The following WARS2 variants were observed in gnomAD, a reference collection of about 807,000 sequenced individuals.
WARS2 encodes the protein tryptophanyl tRNA synthetase 2, mitochondrial, also known as tryptophan--tRNA ligase, mitochondrial.
In WARS2, 28 loss-of-function variants were observed where a neutral mutation model predicts 36.5. The ratio of observed to expected loss-of-function variants is 0.77; its 90% confidence interval spans 0.57 to 1.05. The LOEUF (loss-of-function observed/expected upper bound fraction) is 1.05, where lower values mean the gene tolerates loss of function less well. Ranked by LOEUF, WARS2 falls within the 50% of genes least tolerant of loss-of-function variation. WARS2 has a pLI of 0.00. For missense variants in WARS2, 435 were observed against 456.8 expected, an observed-to-expected ratio of 0.95 and a Z score of 0.44; for synonymous variants, 174 against 178.4, an observed-to-expected ratio of 0.98 and a Z score of 0.20.
At chr1:119,103,816 A>T (rs928156563) in intron 1 of WARS2, among the ~76,000 whole-genome samples, 1 of 151,888 alleles carries the variant, frequency 6.6e-6, no homozygotes, top group Non-Finnish European at 1.5e-5. Context: ...ATGTTAGGGC[A>T]CATTTTTAAA....
chr1:119,123,654 A>C (rs1003399780), intron 1 of WARS2, among the ~76,000 whole-genome samples: 2 of 152,074 alleles, frequency 1.3e-5, no homozygotes, highest in Non-Finnish European at 2.9e-5. Flanking sequence ...CATTTTCCTA[A>C]CTTGGCTTCC....
Position 119,077,753 on chromosome 1 carries a change from GA to G in WARS2, c.91-1147del, listed in dbSNP as rs971570397. 9.9e-3 allele frequency among the ~76,000 whole-genome samples: 1,491 copies of G among 150,984 alleles called. 22 individuals carry two copies. Among genetic ancestry groups the G allele is most frequent in the African/African-American group, 0.034 (1,387 of 41,196 alleles). ...TGAAGTCATAATAGGAAAATGAAAA[GA>G]AAAAAAATGCAATACAAAGTAAAAA... On this transcript the variant is annotated intron_variant, in intron 1 of 5. Coordinates refer to ENST00000235521, the MANE Select transcript of WARS2 (RefSeq NM_015836.4).
chr1:119,117,387 A>G (rs1366760083), intron 1 of WARS2, among the ~76,000 whole-genome samples: 1 of 152,240 alleles, frequency 6.6e-6, no homozygotes, highest in African/African-American at 2.4e-5. Context: ...TGGGAGCTCC[A>G]TGGCCCTGCC....
chr1:119,040,012 A>G (rs1409492912), intron 4 of WARS2, among the ~76,000 whole-genome samples: 2 of 152,248 alleles, frequency 1.3e-5, no homozygotes, highest in Non-Finnish European at 2.9e-5. Flanking sequence ...AAAAACAAAT[A>G]AAAATACCTT....
At chr1:119,125,751 A>T (rs982964041) in intron 1 of WARS2, among the ~76,000 whole-genome samples, 5 of 152,286 alleles carry the variant, frequency 3.3e-5, no homozygotes, top group Admixed American at 1.3e-4. Flanking sequence ...TACTCTTCTA[A>T]ACTGATTAAA....
chr1:119,044,595 T>A (rs1228346828), intron 3 of WARS2, among the ~76,000 whole-genome samples: 8 of 152,216 alleles, frequency 5.3e-5, no homozygotes, highest in African/African-American at 1.7e-4. Context: ...GAAATTTATG[T>A]CTCATAGTTC....
chr1:119,085,459 T>G, intron 1 of WARS2: 1 of 1,524,288 alleles, frequency 6.6e-7, no homozygotes, highest in South Asian at 1.2e-5. Context: ...TCTTTTTCTT[T>G]TTTTCCTTTT....
At chr1:119,038,774 G>A (rs1019869697) in intron 4 of WARS2, among the ~76,000 whole-genome samples, 5 of 152,060 alleles carry the variant, frequency 3.3e-5, no homozygotes, top group African/African-American at 9.7e-5. Flanking sequence ...TCCTCCTCCC[G>A]GATTCAGGCA....
At chr1:119,086,094 A>C (rs1652640181) in intron 1 of WARS2, 1 of 912,172 alleles carries the variant, frequency 1.1e-6, no homozygotes, top group Non-Finnish European at 1.6e-6. Context: ...TCCTAGCCTT[A>C]AGTGATCCTC....
intron 1 of WARS2, among the ~76,000 whole-genome samples, chr1:119,081,160 G>A (rs1391731658): frequency 1.3e-5 from 2 of 152,196 alleles, no homozygotes; most frequent in African/African-American, 4.8e-5. Context: ...CATTTTGACA[G>A]ACATAGCTGA....
intron 2 of WARS2, among the ~76,000 whole-genome samples, chr1:119,066,456 T>C (rs536338096): frequency 2.5e-4 from 30 of 121,230 alleles, no homozygotes; most frequent in Non-Finnish European, 3.2e-4. Context: ...CCAGCATGGG[T>C]GACAGAGAGA....
intron 1 of WARS2, chr1:119,085,521 A>G: frequency 3.1e-6 from 5 of 1,597,846 alleles, no homozygotes; most frequent in Non-Finnish European, 4.3e-6. Flanking sequence ...GCTCTCAGAC[A>G]AACTTGGTGA....
chr1:119,081,420 C>T (rs1357157773), intron 1 of WARS2, among the ~76,000 whole-genome samples: 2 of 152,212 alleles, frequency 1.3e-5, no homozygotes. Context: ...GATTTCAAGA[C>T]TCTTCTTACA....
intron 1 of WARS2, among the ~76,000 whole-genome samples, chr1:119,078,116 G>A (rs587654835): frequency 1.3e-5 from 2 of 152,302 alleles, no homozygotes; most frequent in African/African-American, 2.4e-5. Context: ...CTAGTAAGTG[G>A]TGGAGTTGAG....
chr1:119,066,433 A>C (rs765255106), intron 2 of WARS2, among the ~76,000 whole-genome samples: 3 of 147,804 alleles, frequency 2.0e-5, no homozygotes, highest in African/African-American at 5.0e-5. Context: ...AGCTGAGATC[A>C]TGCCATTGCA....
At chr1:119,110,312 G>A (rs1382609395) in intron 1 of WARS2, among the ~76,000 whole-genome samples, 1 of 151,808 alleles carries the variant, frequency 6.6e-6, no homozygotes, top group Non-Finnish European at 1.5e-5. Context: ...TTCTTGCAAG[G>A]CAGGTGTCCT....
chr1:119,110,649 T>C (rs1654561622), intron 1 of WARS2, among the ~76,000 whole-genome samples: 2 of 152,178 alleles, frequency 1.3e-5, no homozygotes, highest in African/African-American at 4.8e-5. Context: ...TCTTGCTTGG[T>C]GGTCTCTGAG....
intron 1 of WARS2, among the ~76,000 whole-genome samples, chr1:119,132,929 C>T (rs1656223733): frequency 6.6e-6 from 1 of 152,178 alleles, no homozygotes; most frequent in South Asian, 2.1e-4. Context: ...TGGCCCACAA[C>T]ACTATTTTCT....
rs1232761644 is a variant in WARS2 at position 119,031,549 on chromosome 1, T to C, written c.*1362A>G. On this transcript the variant is annotated 3_prime_UTR_variant, in exon 6 of 6. Coordinates refer to ENST00000235521, the MANE Select transcript of WARS2 (RefSeq NM_015836.4). ...CTTTGCTCAACAACCTAGTTATGTA[T>C]GTACAAATGGTGATCATGGTCCTTA... 6.6e-6 allele frequency: 1 copy of C among 152,206 alleles called. No individual in the cohort carries two copies. The highest frequency in any genetic ancestry group is 1.9e-4 in the East Asian group (1 of 5,198). The allele number at this position is 152,206 out of a possible 1,614,324, so 9.4% of individuals were successfully genotyped here. A position where few individuals can be genotyped will look rare whatever the true frequency, so the allele number is the denominator to read the frequency against.
Sources: gnomAD v4.1 joint callset for allele counts (sites outside exome capture counted in the v4.1 genomes callset) on GRCh38, gnomAD v4.1.1 for gene constraint, MANE v1.5 for transcripts, NCBI Gene and HGNC (gene_info 2026-07-23, HGNC 2026-07-21) for gene names.